TYW1: variants seen among roughly 807,000 people sequenced by gnomAD.
TYW1 encodes the protein S-adenosyl-L-methionine-dependent tRNA 4-demethylwyosine synthase TYW1.
Under a neutral mutation model 96.2 loss-of-function variants are expected in TYW1, and 46 were observed. The ratio of observed to expected loss-of-function variants is 0.48; its 90% CI spans 0.38 to 0.61. The LOEUF is 0.61. Ranked by LOEUF, TYW1 falls within the 20% of genes least tolerant of loss-of-function variation. The pLI is 0.00. For missense variants in TYW1, 684 were observed against 909.6 expected, an observed-to-expected ratio of 0.75 and a Z score of 3.19; for synonymous variants, 274 against 323.0, an observed-to-expected ratio of 0.85 and a Z score of 1.63.
intron 11 of TYW1, among the ~76,000 whole-genome samples, chr7:67,098,302 C>G (rs1308830573): frequency 6.6e-6 from 1 of 152,224 alleles, no homozygotes; most frequent in African/African-American, 2.4e-5. Flanking sequence ...GCTAACAAAG[C>G]TAGTTTTGCC....
chr7:67,227,174 G>A (rs1239835232), intron 15 of TYW1, among the ~76,000 whole-genome samples: 1 of 152,114 alleles, frequency 6.6e-6, no homozygotes, highest in African/African-American at 2.4e-5. Context: ...TCTGGGAGGT[G>A]ACCTCCAAGC....
rs1799771536 is a variant in TYW1 at position 67,179,447 on chromosome 7, C to A, written c.1699-3679C>A. 1.5e-5 allele frequency among the ~76,000 whole-genome samples: 2 copies of A among 135,550 alleles called. 1 individual carries two copies. Among genetic ancestry groups the A allele is most frequent in the South Asian group, 4.8e-4 (2 of 4,140 alleles). The allele number at this position is 135,550 out of a possible 152,430, so 88.9% of individuals were successfully genotyped here. Reference sequence around the variant, plus strand: ...CACCTCACTACTGCTTGGGTTCACACCCCAGCTTTGCTGCTCTCCAGCTGT... The same window carrying A: ...CACCTCACTACTGCTTGGGTTCACAACCCAGCTTTGCTGCTCTCCAGCTGT... On this transcript the variant is annotated intron_variant, in intron 13 of 15. Coordinates refer to ENST00000359626, the MANE Select transcript of TYW1 (RefSeq NM_018264.4).
At chr7:67,213,206 C>T (rs1028564570) in intron 15 of TYW1, among the ~76,000 whole-genome samples, 5 of 151,622 alleles carry the variant, frequency 3.3e-5, no homozygotes, top group African/African-American at 7.3e-5. Flanking sequence ...CTCACTCTGT[C>T]GCCCAGGCTG....
chr7:67,229,441 AGACAGGAGAATCTCTT>A (rs1801675812), intron 15 of TYW1, among the ~76,000 whole-genome samples: 1 of 152,018 alleles, frequency 6.6e-6, no homozygotes, highest in Admixed American at 6.6e-5. Flanking sequence ...CAGGAGGCTG[AGACAGGAGAATCTCTT>A]GAACCTGGGA....
intron 7 of TYW1, among the ~76,000 whole-genome samples, chr7:67,029,437 A>ATATATAT (rs746024597): frequency 2.0e-5 from 3 of 146,542 alleles, no homozygotes; most frequent in Admixed American, 1.4e-4. Flanking sequence ...ATATATAAAT[A>ATATATAT]GTATTTTCTA....
Position 66,998,942 on chromosome 7 carries a change from T to C in TYW1, c.261T>C (p.Thr87=). 1 of 1,613,948 alleles carries C rather than the reference T, an allele frequency of 6.2e-7. No homozygotes were observed. Among genetic ancestry groups the C allele is most frequent in the Non-Finnish European group, 8.5e-7 (1 of 1,179,988 alleles). ...TGAAGATTTTTTATGGTTCTCAGAC[T>C]GGAACAGCGAAGGTAAGAAATTTAT... The part of the protein sequence containing the change: ...SGVKIFYGSQ[T]GTAKGFATVL... Residue 87 remains threonine, a synonymous_variant, in exon 3 of 16, where the codon ACT becomes ACC. Transcript: ENST00000359626.
chr7:67,081,981 A>G (rs1796406697), intron 10 of TYW1, among the ~76,000 whole-genome samples: 1 of 148,058 alleles, frequency 6.8e-6, no homozygotes, highest in Non-Finnish European at 1.5e-5. Flanking sequence ...TTTTTTTGTG[A>G]TATCTATCTC....
chr7:67,196,092 C>T (rs1800384679), intron 15 of TYW1, among the ~76,000 whole-genome samples: 1 of 151,804 alleles, frequency 6.6e-6, no homozygotes, highest in Admixed American at 6.6e-5. Context: ...GCTTTTGTCT[C>T]TCCATCTCTC....
At chr7:67,201,791 C>G (rs1800607532) in intron 15 of TYW1, among the ~76,000 whole-genome samples, 1 of 152,182 alleles carries the variant, frequency 6.6e-6, no homozygotes, top group Non-Finnish European at 1.5e-5. Context: ...AGGTTTCCAA[C>G]TTGCACATTC....
chr7:67,108,670 G>T, intron 12 of TYW1, among the ~76,000 whole-genome samples: 1 of 151,824 alleles, frequency 6.6e-6, no homozygotes, highest in East Asian at 2.0e-4. Flanking sequence ...TCGAACTCCT[G>T]ACCTCAGCTG....
intron 13 of TYW1, among the ~76,000 whole-genome samples, chr7:67,130,707 C>T (rs1435547501): frequency 6.6e-6 from 1 of 151,262 alleles, no homozygotes; most frequent in Non-Finnish European, 1.5e-5. Flanking sequence ...GTAAATATAA[C>T]ACTCCAACAC....
chr7:67,226,441 A>G (rs1283860454), intron 15 of TYW1, among the ~76,000 whole-genome samples: 1 of 152,162 alleles, frequency 6.6e-6, no homozygotes, highest in Non-Finnish European at 1.5e-5. Flanking sequence ...GGCACCACCC[A>G]GCTCGATAAA....
At chr7:67,035,083 A>AT (rs1248870449) in intron 7 of TYW1, among the ~76,000 whole-genome samples, 2 of 147,268 alleles carry the variant, frequency 1.4e-5, no homozygotes, top group South Asian at 2.1e-4. Flanking sequence ...GTTCATTTGC[A>AT]TTTTTTCTTT....
chr7:67,071,063 G>A (rs367680207), intron 10 of TYW1, among the ~76,000 whole-genome samples: 1 of 152,016 alleles, frequency 6.6e-6, no homozygotes, highest in East Asian at 1.9e-4. Flanking sequence ...CCCGGGAGGT[G>A]GAGCTTGCAG....
intron 14 of TYW1, among the ~76,000 whole-genome samples, chr7:67,186,814 CAA>C (rs753101863): frequency 7.2e-5 from 11 of 152,070 alleles, no homozygotes; most frequent in Non-Finnish European, 1.5e-4. Flanking sequence ...CTATTAACAA[CAA>C]AGTTTTCTTT....
intron 7 of TYW1, among the ~76,000 whole-genome samples, chr7:67,025,690 G>A (rs1794427764): frequency 6.6e-6 from 1 of 152,144 alleles, no homozygotes; most frequent in Non-Finnish European, 1.5e-5. Context: ...GACTGTTTCA[G>A]TGACTAGATG....
At chr7:67,205,525 G>A (rs1159106257) in intron 15 of TYW1, among the ~76,000 whole-genome samples, 2 of 151,604 alleles carry the variant, frequency 1.3e-5, no homozygotes, top group Admixed American at 6.6e-5. Flanking sequence ...TCCCTGTGTA[G>A]TCTGTATGAC....
chr7:67,205,541 A>G (rs1800764068), intron 15 of TYW1, among the ~76,000 whole-genome samples: 1 of 151,626 alleles, frequency 6.6e-6, no homozygotes, highest in South Asian at 2.1e-4. Context: ...ATGACATTAC[A>G]GCTGGAGGGG....
chr7:67,156,453 G>T (rs773792837), intron 13 of TYW1, among the ~76,000 whole-genome samples: 4 of 152,246 alleles, frequency 2.6e-5, no homozygotes, highest in Non-Finnish European at 5.9e-5. Flanking sequence ...TACATTGGCA[G>T]CCCTGCCAGG....
Sources: gnomAD v4.1 joint callset for allele counts (sites outside exome capture counted in the v4.1 genomes callset) on GRCh38, gnomAD v4.1.1 for gene constraint, MANE v1.5 for transcripts, NCBI Gene and HGNC (gene_info 2026-07-23, HGNC 2026-07-21) for gene names.